UTRN: variants seen among roughly 807,000 people sequenced by gnomAD.
The protein encoded by UTRN is dystrophin-related protein 1.
A neutral mutation model predicts 463.9 loss-of-function variants in UTRN; 283 were observed. That is an observed-to-expected ratio of 0.61 (90% confidence interval 0.55 to 0.67). The LOEUF (loss-of-function observed/expected upper bound fraction) is 0.67. Ranked by LOEUF, UTRN falls within the 30% of genes least tolerant of loss-of-function variation. UTRN has a pLI of 0.00. For synonymous variants in UTRN, 1,442 were observed against 1,431.5 expected, an observed-to-expected ratio of 1.01 and a Z score of -0.17; for missense variants, 3,922 against 4,084.3, an observed-to-expected ratio of 0.96 and a Z score of 1.08.
chr6:144,605,488 T>A (rs896680013), intron 51 of UTRN, among the ~76,000 whole-genome samples: 4 of 151,882 alleles, frequency 2.6e-5, no homozygotes, highest in Non-Finnish European at 5.9e-5. Context: ...TTCCCACTCT[T>A]ATTTCATTGT....
Position 144,554,712 on chromosome 6 carries a change from A to T in UTRN, c.6953A>T (p.Asp2318Val), listed in dbSNP as rs1799228915. The change falls in exon 49 of 75, where the codon GAT (aspartate) becomes GTT (valine). Residue 2318 changes from aspartate to valine, a missense_variant. Coordinates refer to ENST00000367545, the MANE Select transcript of UTRN (RefSeq NM_007124.3). Reference sequence around the variant, plus strand: ...GTGGAAAGGGTCAAGAACCAGTGGGATGGCACCCAGCATGGCGTTGAGCTA... The same window carrying T: ...GTGGAAAGGGTCAAGAACCAGTGGGTTGGCACCCAGCATGGCGTTGAGCTA... ...EKLERVKNQWDGTQHGVELRQ... is the reference protein window; with the variant it reads ...EKLERVKNQWVGTQHGVELRQ... 6.2e-7 allele frequency: 1 copy of T among 1,613,848 alleles called. No individual in the cohort carries two copies. The highest frequency in any genetic ancestry group is 1.7e-5 in the Admixed American group (1 of 60,004).
At chr6:144,509,250 G>A (rs984638947) in intron 34 of UTRN, among the ~76,000 whole-genome samples, 10 of 151,736 alleles carry the variant, frequency 6.6e-5, no homozygotes, top group African/African-American at 2.4e-4. Context: ...ATTCATATAT[G>A]CACAGGAGTT....
intron 54 of UTRN, among the ~76,000 whole-genome samples, chr6:144,743,466 A>G (rs1427545390): frequency 6.6e-6 from 1 of 152,220 alleles, no homozygotes; most frequent in Admixed American, 6.5e-5. Flanking sequence ...TCTTTGAGAT[A>G]TACAGAGGCT....
At chr6:144,705,603 TC>T (rs1366211892) in intron 53 of UTRN, among the ~76,000 whole-genome samples, 1 of 152,074 alleles carries the variant, frequency 6.6e-6, no homozygotes, top group Non-Finnish European at 1.5e-5. Flanking sequence ...CTAATCACCT[TC>T]CAAAGACCCA....
At chr6:144,670,259 TC>T (rs1562738382) in intron 51 of UTRN, among the ~76,000 whole-genome samples, 1 of 152,154 alleles carries the variant, frequency 6.6e-6, no homozygotes, top group East Asian at 1.9e-4. Flanking sequence ...GCGTAAAACT[TC>T]CCTTTTTACC....
At chr6:144,757,385 T>G (rs1792119287) in intron 57 of UTRN, among the ~76,000 whole-genome samples, 1 of 152,010 alleles carries the variant, frequency 6.6e-6, no homozygotes, top group South Asian at 2.1e-4. Flanking sequence ...ACGATTGCCT[T>G]GGTTCTTCAC....
chr6:144,650,901 T>C (rs1041015678), intron 51 of UTRN, among the ~76,000 whole-genome samples: 1 of 152,036 alleles, frequency 6.6e-6, no homozygotes. Flanking sequence ...AGAGCAAGAC[T>C]CTGTCTCAAA....
chr6:144,624,685 A>C (rs1213178168), intron 51 of UTRN, among the ~76,000 whole-genome samples: 1 of 152,186 alleles, frequency 6.6e-6, no homozygotes, highest in African/African-American at 2.4e-5. Flanking sequence ...TTTCGGCTTC[A>C]TTGACATCCT....
At chr6:144,791,063 T>C (rs1344546372) in intron 62 of UTRN, among the ~76,000 whole-genome samples, 1 of 152,240 alleles carries the variant, frequency 6.6e-6, no homozygotes, top group Non-Finnish European at 1.5e-5. Context: ...ATCTTTAATC[T>C]AAATCTTTAC....
At chr6:144,426,203 T>A (rs1785277963) in intron 6 of UTRN, 84 bp from the exon 7 acceptor site, 1 of 1,494,642 alleles carries the variant, frequency 6.7e-7, no homozygotes, top group Non-Finnish European at 9.0e-7. Context: ...AGTGCAATAT[T>A]GCTTTTTCAA....
At chr6:144,381,189 A>G (rs1005641057) in intron 2 of UTRN, among the ~76,000 whole-genome samples, 6 of 152,076 alleles carry the variant, frequency 3.9e-5, no homozygotes, top group Non-Finnish European at 8.8e-5. Context: ...CCACCCTCCA[A>G]TAGACCCCAG....
At chr6:144,624,132 T>A (rs1775708688) in intron 51 of UTRN, among the ~76,000 whole-genome samples, 1 of 152,132 alleles carries the variant, frequency 6.6e-6, no homozygotes, top group Non-Finnish European at 1.5e-5. Context: ...GGGAATGGGA[T>A]GAAGCCAGTG....
intron 2 of UTRN, among the ~76,000 whole-genome samples, chr6:144,335,017 A>G (rs1214878580): frequency 6.6e-6 from 1 of 152,250 alleles, no homozygotes; most frequent in East Asian, 1.9e-4. Context: ...CCTGATGATC[A>G]AGTAGGAACA....
chr6:144,291,896 A>C lies in UTRN; in HGVS notation c.68A>C (p.Lys23Thr). The change falls in exon 2 of 75, where the codon AAG (lysine) becomes ACG (threonine). Residue 23 changes from lysine (K) to threonine (T), a missense_variant. Physicochemically the swap from Lys to Thr is moderately conservative, Grantham distance 78. This residue lies in a region of UTRN where 264 missense variants were observed against 327.9 expected (regional missense o/e 0.81). Transcript: ENST00000367545. ...NGQNEFSDII[K>T]SRSDEHNDVQ... ...CAGAACGAATTCAGTGATATCATTAAGTCCAGATCTGGTAGGTAAAGGAAG... is the reference window on the plus strand; with the variant it reads ...CAGAACGAATTCAGTGATATCATTACGTCCAGATCTGGTAGGTAAAGGAAG... The C allele has an allele frequency of 1.9e-6, 3 of 1,612,036 alleles. No homozygotes were observed. The highest frequency in any genetic ancestry group is 2.5e-6 in the Non-Finnish European group (3 of 1,179,050).
At chr6:144,372,851 A>C (rs1780121603) in intron 2 of UTRN, among the ~76,000 whole-genome samples, 1 of 152,198 alleles carries the variant, frequency 6.6e-6, no homozygotes, top group Non-Finnish European at 1.5e-5. Context: ...TTGAAAAATG[A>C]GCAAAGGAAT....
chr6:144,709,182 C>T (rs1397614186), intron 53 of UTRN, among the ~76,000 whole-genome samples: 1 of 152,180 alleles, frequency 6.6e-6, no homozygotes, highest in East Asian at 1.9e-4. Flanking sequence ...GTTCATGTAC[C>T]CATTTATTTC....
chr6:144,432,709 A>G (rs1253753344), intron 9 of UTRN, among the ~76,000 whole-genome samples: 1 of 150,636 alleles, frequency 6.6e-6, no homozygotes, highest in Non-Finnish European at 1.5e-5. Context: ...TTTTTTATTG[A>G]TCATTCTTGG....
intron 23 of UTRN, among the ~76,000 whole-genome samples, chr6:144,469,703 C>CTTTTTTTTTTTTTTTTTTTTTTTTTT (rs545551155): frequency 7.4e-6 from 1 of 135,708 alleles, no homozygotes; most frequent in Non-Finnish European, 1.6e-5. Context: ...TGTTTCTTTC[C>CTTTTTTTTTTTTTTTTTTTTTTTTTT]TTTTTTTTTT....
At chr6:144,541,282 A>T (rs557648512) in intron 45 of UTRN, among the ~76,000 whole-genome samples, 2 of 151,634 alleles carry the variant, frequency 1.3e-5, no homozygotes, top group African/African-American at 2.4e-5. Context: ...TCTCCCCTAC[A>T]CTCCTTTCCA....
Sources: allele counts gnomAD v4.1 joint callset (sites outside exome capture counted in the v4.1 genomes callset), GRCh38; gene constraint gnomAD v4.1.1; regional missense constraint gnomAD v4.1.1; transcripts MANE v1.5; gene names NCBI Gene and HGNC (gene_info 2026-07-23, HGNC 2026-07-21).